The following BPNT1 variants were observed in gnomAD, a reference collection of about 807,000 sequenced individuals.
The protein encoded by BPNT1 is 3'(2'), 5'-bisphosphate nucleotidase 1.
Under a neutral mutation model 36.9 loss-of-function variants are expected in BPNT1, and 28 were observed. The ratio of observed to expected loss-of-function variants is 0.76; its 90% CI spans 0.56 to 1.04. The LOEUF (loss-of-function observed/expected upper bound fraction) is 1.04. BPNT1 is among the 50% of genes least tolerant of loss of function. The pLI is 0.00. For synonymous variants in BPNT1, 119 were observed against 130.9 expected, an observed-to-expected ratio of 0.91 and a Z score of 0.62; for missense variants, 313 against 372.9, an observed-to-expected ratio of 0.84 and a Z score of 1.32.
chr1:220,062,656 C>A lies in BPNT1; in HGVS notation c.672+101G>T, dbSNP rs1009175524. The A allele has an allele frequency of 1.4e-5, 18 of 1,262,810 alleles. No homozygotes were observed. The African/African-American group carries it at 1.5e-4, about 10-fold the overall frequency. 78.2% of individuals were successfully genotyped at this position (1,262,810 alleles called of 1,614,324 possible). A position where few individuals can be genotyped will look rare whatever the true frequency, so the allele number is the denominator to read the frequency against. The stretch of plus-strand genomic sequence containing the variant: ...TGATTTATAGTCCTTTGGGTATATA[C>A]CCAGTAATGGGATGGCTAAACTCTT... On this transcript the variant is annotated intron_variant, in intron 7 of 8. Coordinates refer to ENST00000322067, the MANE Select transcript of BPNT1 (RefSeq NM_006085.6).
At chr1:220,077,862 G>T (rs1488322425) in intron 2 of BPNT1, among the ~76,000 whole-genome samples, 1 of 151,788 alleles carries the variant, frequency 6.6e-6, no homozygotes, top group African/African-American at 2.4e-5. Flanking sequence ...TTCCTTAAAG[G>T]CTATAATAAA....
intron 1 of BPNT1, among the ~76,000 whole-genome samples, chr1:220,082,063 AATATAT>A (rs369837553): frequency 5.6e-4 from 62 of 110,404 alleles, no homozygotes; most frequent in South Asian, 1.9e-3. Flanking sequence ...TTCCAAGGAC[AATATAT>A]ATATATATAT....
chr1:220,088,879 C>T (rs1459304472), intron 1 of BPNT1, among the ~76,000 whole-genome samples: 2 of 151,110 alleles, frequency 1.3e-5, no homozygotes, highest in African/African-American at 2.4e-5. Flanking sequence ...ACGGGCAGAT[C>T]ACGAGGTCAG....
chr1:220,073,452 C>T (rs1463713366), intron 3 of BPNT1, among the ~76,000 whole-genome samples: 2 of 152,064 alleles, frequency 1.3e-5, no homozygotes, highest in African/African-American at 4.8e-5. Context: ...CCAAGCCTGG[C>T]TAATTTTTGT....
Position 220,072,840 on chromosome 1 carries a change from TG to T in BPNT1, c.333+9del. The T allele has an allele frequency of 6.2e-7, 1 of 1,601,988 alleles. No individual in the cohort carries two copies. The highest frequency in any genetic ancestry group is 8.6e-7 in the Non-Finnish European group (1 of 1,169,018). On this transcript the variant is annotated intron_variant, in intron 4 of 8. Coordinates refer to ENST00000322067, the MANE Select transcript of BPNT1 (RefSeq NM_006085.6). ...GTTAATAGAGAGTTGAGTATAAATA[TG>T]GGTCATACATCTTCTTCTTTAATAG...
At chr1:220,075,030 T>C (rs1395991340) in intron 2 of BPNT1, among the ~76,000 whole-genome samples, 1 of 152,152 alleles carries the variant, frequency 6.6e-6, no homozygotes, top group African/African-American at 2.4e-5. Flanking sequence ...TATATCATCT[T>C]AGTAGAATTT....
At chr1:220,089,105 A>G (rs979172955) in intron 1 of BPNT1, among the ~76,000 whole-genome samples, 4 of 146,712 alleles carry the variant, frequency 2.7e-5, no homozygotes, top group Admixed American at 1.4e-4. Context: ...CGTCTCGAAA[A>G]AAAAAAAAAA....
intron 8 of BPNT1, among the ~76,000 whole-genome samples, chr1:220,059,243 C>CTTTTTTTTTTTTT (rs11292010): frequency 1.2e-4 from 7 of 57,852 alleles, no homozygotes; most frequent in African/African-American, 3.0e-4. Context: ...ATTTTCTTTT[C>CTTTTTTTTTTTTT]TTTTTTTTTT....
chr1:220,069,126 T>C (rs1186149657), intron 5 of BPNT1, among the ~76,000 whole-genome samples: 3 of 152,292 alleles, frequency 2.0e-5, no homozygotes, highest in Middle Eastern at 3.4e-3. Flanking sequence ...TGGTTTAATA[T>C]GTTATTCTCA....
chr1:220,065,728 C>T (rs1663475186), intron 6 of BPNT1, among the ~76,000 whole-genome samples: 1 of 152,114 alleles, frequency 6.6e-6, no homozygotes, highest in African/African-American at 2.4e-5. Context: ...ATTTGAAACC[C>T]TTGAACCTGG....
In BPNT1 at chr1:220,079,826, C is replaced by T. The variant is rs781295788; in HGVS notation, c.21G>A (p.Val7=). 6.2e-7 allele frequency: 1 copy of T among 1,614,082 alleles called. No individual in the cohort carries two copies. ...ATGCGGAGGCTACCAACCGCATCAA[C>T]ACAGTGTTACTGGAAGCCATGGTAC... MASSNT[V]LMRLVASAYS... The change falls in exon 2 of 9, where the codon GTG becomes GTA. Residue 7 remains valine (V), a synonymous_variant. Coordinates refer to ENST00000322067, the MANE Select transcript of BPNT1 (RefSeq NM_006085.6).
intron 6 of BPNT1, among the ~76,000 whole-genome samples, chr1:220,065,590 G>C (rs1663463380): frequency 6.6e-6 from 1 of 152,190 alleles, no homozygotes; most frequent in African/African-American, 2.4e-5. Flanking sequence ...TTGGATTTGA[G>C]TTTGAATCTC....
intron 6 of BPNT1, among the ~76,000 whole-genome samples, chr1:220,064,637 G>A (rs1015212039): frequency 2.0e-5 from 3 of 152,124 alleles, no homozygotes; most frequent in Admixed American, 2.0e-4. Context: ...GGTCCTAGGT[G>A]AGACAGCTCT....
chr1:220,088,745 G>A (rs1034459913), intron 1 of BPNT1, among the ~76,000 whole-genome samples: 2 of 149,720 alleles, frequency 1.3e-5, no homozygotes, highest in African/African-American at 4.9e-5. Flanking sequence ...AGACATAATG[G>A]CACCACTGTA....
intron 2 of BPNT1, among the ~76,000 whole-genome samples, chr1:220,075,104 C>T (rs370604641): frequency 1.3e-5 from 2 of 152,142 alleles, no homozygotes; most frequent in Non-Finnish European, 1.5e-5. Context: ...AGTGCAGTGG[C>T]GCGATCTCAG....
chr1:220,064,729 A>G (rs1308542127), intron 6 of BPNT1, among the ~76,000 whole-genome samples: 2 of 152,202 alleles, frequency 1.3e-5, no homozygotes, highest in Non-Finnish European at 2.9e-5. Context: ...GGTACTCAGT[A>G]TATGTTAATG....
intron 2 of BPNT1, 78 bp downstream of exon 2, chr1:220,079,649 T>C (rs1664921810): frequency 2.6e-6 from 4 of 1,561,190 alleles, no homozygotes; most frequent in Non-Finnish European, 3.5e-6. Context: ...ATAAAGTCTG[T>C]CCACATTTTT....
chr1:220,080,953 G>A (rs1197478258), intron 1 of BPNT1, among the ~76,000 whole-genome samples: 2 of 152,194 alleles, frequency 1.3e-5, no homozygotes, highest in Admixed American at 6.5e-5. Flanking sequence ...ACAGCCTTTA[G>A]AATCAAGTAC....
At chr1:220,059,936 T>C (rs1662871162) in intron 7 of BPNT1, 145 bp from the exon 8 acceptor site, 2 of 576,680 alleles carry the variant, frequency 3.5e-6, no homozygotes, top group Non-Finnish European at 6.0e-6. Context: ...GTTAAAGCTT[T>C]TAGCAGGTTT....
Sources: allele counts gnomAD v4.1 joint callset (sites outside exome capture counted in the v4.1 genomes callset), GRCh38; gene constraint gnomAD v4.1.1; transcripts MANE v1.5; gene names NCBI Gene and HGNC (gene_info 2026-07-23, HGNC 2026-07-21).